Variants in PRKN observed in about 807,000 individuals in gnomAD.
The protein encoded by PRKN is E3 ubiquitin-protein ligase parkin.
A neutral mutation model predicts 59.5 loss-of-function variants in PRKN; 56 were observed. That is an observed-to-expected ratio of 0.94 (90% confidence interval 0.76 to 1.18). The LOEUF (loss-of-function observed/expected upper bound fraction) is 1.18. Among genes scored for constraint, PRKN ranks in the 50% most tolerant of loss-of-function variants. The probability of loss-of-function intolerance (pLI) is 0.00; values close to 1 mark genes in which losing one functional copy is unlikely to be tolerated. For missense variants in PRKN, 657 were observed against 596.4 expected, an observed-to-expected ratio of 1.10 and a Z score of -1.06; for synonymous variants, 250 against 222.1, an observed-to-expected ratio of 1.13 and a Z score of -1.12.
chr6:162,260,092 G>A (rs1207147364), intron 3 of PRKN, among the ~76,000 whole-genome samples: 1 of 152,170 alleles, frequency 6.6e-6, no homozygotes, highest in Non-Finnish European at 1.5e-5. Context: ...CATGTAGGGT[G>A]CCAGGAAGTT....
At chr6:161,684,248 AATTT>A (rs1341461695) in intron 7 of PRKN, among the ~76,000 whole-genome samples, 1 of 152,004 alleles carries the variant, frequency 6.6e-6, no homozygotes, top group African/African-American at 2.4e-5. Flanking sequence ...CTGTTAAAAA[AATTT>A]ATTTATTATT....
intron 1 of PRKN, among the ~76,000 whole-genome samples, chr6:162,541,212 C>T (rs1327473022): frequency 5.3e-5 from 8 of 152,164 alleles, no homozygotes; most frequent in Non-Finnish European, 1.2e-4. Context: ...GAGACAGACA[C>T]GAGGCTGAGT....
chr6:161,486,067 AACAG>A (rs201971179), intron 9 of PRKN, among the ~76,000 whole-genome samples: 1,546 of 152,208 alleles, frequency 0.01, 22 homozygotes, highest in African/African-American at 0.035. Flanking sequence ...ATTTTTTAGA[AACAG>A]ATAAACTATT....
chr6:162,142,620 T>A (rs1437033395), intron 4 of PRKN, among the ~76,000 whole-genome samples: 1 of 152,166 alleles, frequency 6.6e-6, no homozygotes, highest in African/African-American at 2.4e-5. Flanking sequence ...GCACTTATAA[T>A]CAAATTATTT....
At chr6:162,299,860 C>G (rs956916153) in intron 2 of PRKN, among the ~76,000 whole-genome samples, 1 of 151,984 alleles carries the variant, frequency 6.6e-6, no homozygotes, top group Admixed American at 6.6e-5. Flanking sequence ...TAAAGCTAGA[C>G]CAAAATGACA....
chr6:162,437,365 T>C (rs1789828623), intron 2 of PRKN, among the ~76,000 whole-genome samples: 1 of 152,182 alleles, frequency 6.6e-6, no homozygotes, highest in Non-Finnish European at 1.5e-5. Context: ...TTTTTTAAAT[T>C]CAACTTTATA....
At chr6:161,869,593 G>A (rs1794262616) in intron 6 of PRKN, among the ~76,000 whole-genome samples, 2 of 152,006 alleles carry the variant, frequency 1.3e-5, no homozygotes, top group African/African-American at 2.4e-5. Flanking sequence ...ACATCACCCC[G>A]CTTCAACTCA....
intron 4 of PRKN, among the ~76,000 whole-genome samples, chr6:162,167,626 T>C (rs1004577992): frequency 7.2e-6 from 1 of 138,184 alleles, no homozygotes; most frequent in Admixed American, 7.3e-5. Flanking sequence ...TTTTTTTTTT[T>C]CAAAACAAGT....
intron 6 of PRKN, among the ~76,000 whole-genome samples, chr6:161,933,925 C>T (rs1405488752): frequency 6.6e-6 from 1 of 152,252 alleles, no homozygotes; most frequent in Admixed American, 6.5e-5. Flanking sequence ...GTCTGTCTGT[C>T]CTACAGTGCA....
intron 2 of PRKN, among the ~76,000 whole-genome samples, chr6:162,435,954 G>C (rs1789747343): frequency 1.3e-5 from 2 of 151,928 alleles, no homozygotes; most frequent in Admixed American, 1.3e-4. Flanking sequence ...TGTATTCAGT[G>C]CTCTAAATTG....
intron 4 of PRKN, among the ~76,000 whole-genome samples, chr6:162,065,561 T>C (rs1345721767): frequency 1.3e-5 from 2 of 152,028 alleles, no homozygotes; most frequent in Non-Finnish European, 2.9e-5. Flanking sequence ...TTTCTTTTTT[T>C]TTTTTGGTCA....
rs940751634 is a variant in PRKN, at chr6:161,560,709, T to C, written c.933+8646A>G. On this transcript the variant is annotated intron_variant, in intron 8 of 11. Transcript: ENST00000366898. This position sits in a 1 kb window ranked among gnomAD's most constrained non-coding sequence, Gnocchi z 4.9. ...CTGAAATCCCAATTCCAAATATGTC[T>C]CTTTCTGATGATCACCTCTTATCTT... is the stretch of plus-strand genomic sequence containing the variant. Among the ~76,000 whole-genome samples, 4 of 152,178 alleles carry C rather than the reference T, an allele frequency of 2.6e-5. No individual in the cohort carries two copies. The highest frequency in any genetic ancestry group is 4.4e-5 in the Non-Finnish European group (3 of 68,028).
At chr6:162,436,653 C>T (rs1017319618) in intron 2 of PRKN, among the ~76,000 whole-genome samples, 1 of 122,140 alleles carries the variant, frequency 8.2e-6, no homozygotes, top group Non-Finnish European at 1.7e-5. Flanking sequence ...ACTAACAAAT[C>T]AATTTAAAAA....
At chr6:161,743,580 AC>A (rs1465446054) in intron 7 of PRKN, among the ~76,000 whole-genome samples, 7 of 151,174 alleles carry the variant, frequency 4.6e-5, no homozygotes, top group South Asian at 2.1e-4. Context: ...AATGATCACC[AC>A]CCTCCAACCC....
chr6:162,430,079 T>C (rs1789434100), intron 2 of PRKN, among the ~76,000 whole-genome samples: 1 of 152,130 alleles, frequency 6.6e-6, no homozygotes, highest in Admixed American at 6.6e-5. Flanking sequence ...ATGATTCTCC[T>C]CAGCTTAGAG....
chr6:161,727,751 A>G (rs1787505561), intron 7 of PRKN, among the ~76,000 whole-genome samples: 1 of 152,214 alleles, frequency 6.6e-6, no homozygotes, highest in Admixed American at 6.5e-5. Flanking sequence ...ACCAGACTTC[A>G]TGATGTCAAT....
intron 1 of PRKN, among the ~76,000 whole-genome samples, chr6:162,575,920 C>T (rs1780537008): frequency 6.6e-6 from 1 of 152,206 alleles, no homozygotes; most frequent in African/African-American, 2.4e-5. Flanking sequence ...CAGCAACTCT[C>T]CAGTCATTCT....
At chr6:162,333,962 CTG>C (rs1329343337) in intron 2 of PRKN, among the ~76,000 whole-genome samples, 2 of 152,146 alleles carry the variant, frequency 1.3e-5, no homozygotes, top group East Asian at 3.9e-4. Context: ...TGGAGAAAGT[CTG>C]AGTTATCTGG....
chr6:161,432,766 TGG>T (rs894266241), intron 9 of PRKN, among the ~76,000 whole-genome samples: 4 of 152,218 alleles, frequency 2.6e-5, no homozygotes, highest in African/African-American at 9.6e-5. Context: ...AACTTCCATT[TGG>T]GTAAGAATAT....
Sources: allele counts gnomAD v4.1 joint callset (sites outside exome capture counted in the v4.1 genomes callset), GRCh38; gene constraint gnomAD v4.1.1; non-coding constraint Gnocchi (gnomAD v3.1); transcripts MANE v1.5; gene names NCBI Gene and HGNC (gene_info 2026-07-23, HGNC 2026-07-21).